SULF2: variants seen among roughly 807,000 people sequenced by gnomAD.
SULF2 encodes extracellular sulfatase Sulf-2.
A neutral mutation model predicts 107.7 loss-of-function variants in SULF2; 52 were observed. The observed-to-expected ratio is 0.48, with a 90% CI of 0.39 to 0.61. The LOEUF (loss-of-function observed/expected upper bound fraction) is 0.61, where lower values mean the gene tolerates loss of function less well. SULF2 is among the 20% of genes least tolerant of loss of function. The probability of loss-of-function intolerance (pLI) is 0.00; values close to 1 mark genes in which losing one functional copy is unlikely to be tolerated. For synonymous variants in SULF2, 460 were observed against 464.3 expected (o/e 0.99, Z 0.12); for missense variants, 993 against 1,177.3 (o/e 0.84, Z 2.29).
At chr20:47,668,920 T>C (rs1234757076) in intron 11 of SULF2, among the ~76,000 whole-genome samples, 1 of 152,188 alleles carries the variant, frequency 6.6e-6, no homozygotes, top group Non-Finnish European at 1.5e-5. Context: ...GTACTCCATC[T>C]TCCTCCTCCT....
chr20:47,711,358 G>T (rs1469161359), intron 3 of SULF2, among the ~76,000 whole-genome samples: 1 of 152,248 alleles, frequency 6.6e-6, no homozygotes, highest in East Asian at 1.9e-4. Context: ...TGTTGGCAAT[G>T]AAACGACAGT....
intron 3 of SULF2, among the ~76,000 whole-genome samples, chr20:47,715,287 C>T (rs2089079139): frequency 6.6e-6 from 1 of 151,916 alleles, no homozygotes; most frequent in Non-Finnish European, 1.5e-5. Context: ...TGGCATCTCC[C>T]CACACCGCCC....
intron 3 of SULF2, among the ~76,000 whole-genome samples, chr20:47,731,187 C>CTTTTTTTTTTTTTTTTTTTTTTTTTTT (rs71183273): frequency 6.2e-5 from 5 of 81,180 alleles, no homozygotes; most frequent in Non-Finnish European, 6.6e-5. Context: ...TGTATCTTCT[C>CTTTTTTTTTTTTTTTTTTTTTTTTTTT]TTTTTTTTTT....
At chr20:47,755,886 C>T (rs1366899799) in intron 2 of SULF2, among the ~76,000 whole-genome samples, 2 of 151,762 alleles carry the variant, frequency 1.3e-5, no homozygotes, top group Non-Finnish European at 2.9e-5. Context: ...ATCACGGCCC[C>T]AGCTCCCTCC....
intron 4 of SULF2, 138 bp downstream of exon 4, chr20:47,702,381 G>GAGGT (rs1191022101): frequency 2.2e-6 from 2 of 920,190 alleles, no homozygotes; most frequent in African/African-American, 1.7e-5. Context: ...AACTGAGGAG[G>GAGGT]AGGTGTATGT....
chr20:47,668,843 C>T (rs2087366956), intron 11 of SULF2, among the ~76,000 whole-genome samples: 1 of 152,160 alleles, frequency 6.6e-6, no homozygotes, highest in Non-Finnish European at 1.5e-5. Context: ...TTCTCACCAC[C>T]CTCGGCCACA....
intron 11 of SULF2, among the ~76,000 whole-genome samples, chr20:47,667,449 T>C (rs551584517): frequency 2.4e-4 from 36 of 151,934 alleles, no homozygotes; most frequent in Non-Finnish European, 5.0e-4. Context: ...CAAATCTGAG[T>C]TGGTAACATT....
chr20:47,784,513 G>A (rs1409595817), intron 1 of SULF2, among the ~76,000 whole-genome samples: 1 of 150,360 alleles, frequency 6.7e-6, no homozygotes, highest in East Asian at 1.9e-4. Context: ...GTGCAAACTA[G>A]GATTGCAGGC....
intron 1 of SULF2, 75 bp downstream of exon 1, chr20:47,785,268 G>A (rs973938151): frequency 6.8e-6 from 1 of 147,836 alleles, no homozygotes; most frequent in African/African-American, 2.5e-5. Flanking sequence ...CGCCGGGGAA[G>A]GCTCCGGCCG....
At chr20:47,662,745 G>A (rs1319797935) in intron 17 of SULF2, among the ~76,000 whole-genome samples, 1 of 149,880 alleles carries the variant, frequency 6.7e-6, no homozygotes, top group African/African-American at 2.4e-5. Flanking sequence ...GGTGATATTT[G>A]GCTTGATCCT....
intron 4 of SULF2, among the ~76,000 whole-genome samples, chr20:47,699,904 C>T (rs1338248601): frequency 2.0e-5 from 3 of 152,166 alleles, no homozygotes; most frequent in Non-Finnish European, 4.4e-5. Flanking sequence ...CCCTATTGTC[C>T]ACACACTCCT....
chr20:47,767,062 C>T (rs1488024077), intron 1 of SULF2, among the ~76,000 whole-genome samples: 3 of 152,060 alleles, frequency 2.0e-5, no homozygotes, highest in African/African-American at 7.2e-5. Context: ...ACAGGGAACA[C>T]GCTGAGTAGG....
chr20:47,696,906 A>G (rs6066435), intron 4 of SULF2, among the ~76,000 whole-genome samples: 130,131 of 152,162 alleles, frequency 0.86, 55,956 homozygotes, highest in East Asian at 0.96. Flanking sequence ...GGACTTTGCT[A>G]ATTTCTTTCA....
chr20:47,749,635 C>G lies in SULF2; in HGVS notation c.175+7554G>C, dbSNP rs1830525709. Among the ~76,000 whole-genome samples the G allele has an allele frequency of 2.0e-5, 3 of 152,252 alleles. No homozygotes were observed. The South Asian group carries it at 6.2e-4, about 31-fold the overall frequency. ...GATTTGGAATTGATCTCCTGGATAT[C>G]AGGCTGTGGCACAGGGTGTGGTTTC... On this transcript the variant is annotated intron_variant, in intron 2 of 20. Coordinates refer to ENST00000688720, the MANE Select transcript of SULF2 (RefSeq NM_001387048.1).
Position 47,720,548 on chromosome 20 carries a change from C to CTT in SULF2, c.415+16153_415+16154dup, listed in dbSNP as rs11303096. Among the ~76,000 whole-genome samples, 364 of 143,372 alleles carry CTT rather than the reference C, an allele frequency of 2.5e-3. 1 individual carries two copies. Among genetic ancestry groups the CTT allele is most frequent in the East Asian group, 0.019 (90 of 4,864 alleles). 94.1% of individuals were successfully genotyped at this position (143,372 alleles called of 152,430 possible). ...GCTGGGATTACAGGCCTATCATAAT[C>CTT]TTTTTTTTTTTTTTTTTAAAGAGAA... On this transcript the variant is annotated intron_variant, in intron 3 of 20. Transcript: ENST00000688720.
upstream of SULF2, chr20:47,786,262 A>T (rs535966856): frequency 6.6e-6 from 1 of 152,268 alleles, no homozygotes; most frequent in East Asian, 1.9e-4. Flanking sequence ...AAACGACGTG[A>T]ATCTGCCTCT....
At chr20:47,770,572 G>A (rs1338827168) in intron 1 of SULF2, among the ~76,000 whole-genome samples, 2 of 152,196 alleles carry the variant, frequency 1.3e-5, no homozygotes, top group South Asian at 2.1e-4. Context: ...CTAATACTGT[G>A]TAACAATTTA....
At chr20:47,667,829 G>T (rs576346363) in intron 11 of SULF2, among the ~76,000 whole-genome samples, 1 of 152,302 alleles carries the variant, frequency 6.6e-6, no homozygotes, top group African/African-American at 2.4e-5. Context: ...GTGGCGGAAG[G>T]CAGTGGAAGG....
chr20:47,711,603 C>T (rs941658862), intron 3 of SULF2, among the ~76,000 whole-genome samples: 6 of 152,220 alleles, frequency 3.9e-5, no homozygotes, highest in Non-Finnish European at 7.3e-5. Context: ...CATTTCCACC[C>T]ACACACTACA....
Sources: allele counts gnomAD v4.1 joint callset (sites outside exome capture counted in the v4.1 genomes callset), GRCh38; gene constraint gnomAD v4.1.1; transcripts MANE v1.5; gene names NCBI Gene and HGNC (gene_info 2026-07-23, HGNC 2026-07-21).